The following RALGPS2 variants were observed in gnomAD, a reference collection of about 807,000 sequenced individuals.
The protein encoded by RALGPS2 is ras-specific guanine nucleotide-releasing factor RalGPS2.
In RALGPS2, 43 loss-of-function variants were observed where a neutral mutation model predicts 86.8. That is an observed-to-expected ratio of 0.50 (90% CI 0.39 to 0.64). The LOEUF (loss-of-function observed/expected upper bound fraction) is 0.64, where lower values mean the gene tolerates loss of function less well. Ranked by LOEUF, RALGPS2 falls within the 30% of genes least tolerant of loss-of-function variation. RALGPS2 has a pLI of 0.00. For synonymous variants in RALGPS2, 243 were observed against 231.3 expected, an observed-to-expected ratio of 1.05 and a Z score of -0.46; for missense variants, 536 against 694.6, an observed-to-expected ratio of 0.77 and a Z score of 2.57.
At chr1:178,853,886 A>C in intron 8 of RALGPS2, 2 of 907,098 alleles carry the variant, frequency 2.2e-6, no homozygotes, top group Middle Eastern at 2.4e-4. Flanking sequence ...CTTTGTTTAC[A>C]GTTACCATTG....
At chr1:178,873,012 A>G (rs905917980) in intron 8 of RALGPS2, among the ~76,000 whole-genome samples, 7 of 152,168 alleles carry the variant, frequency 4.6e-5, no homozygotes, top group Non-Finnish European at 1.0e-4. Flanking sequence ...CTTACAAGAA[A>G]CATGAGGAAA....
chr1:178,885,034 ATAAAG>A (rs1317999651), intron 11 of RALGPS2, 37 bp from the exon 12 acceptor site: 24 of 1,519,980 alleles, frequency 1.6e-5, no homozygotes, highest in Non-Finnish European at 2.0e-5. Context: ...GGACTGAAAA[ATAAAG>A]TAATCATTTG....
At chr1:178,885,284 C>A in intron 12 of RALGPS2, 73 bp downstream of exon 12, 1 of 1,430,522 alleles carries the variant, frequency 7.0e-7, no homozygotes, top group South Asian at 1.3e-5. Flanking sequence ...TTTATTAGTT[C>A]AGTAGAAAAT....
intron 4 of RALGPS2, among the ~76,000 whole-genome samples, chr1:178,807,645 GTT>G (rs1212047337): frequency 1.3e-5 from 2 of 152,150 alleles, no homozygotes; most frequent in African/African-American, 4.8e-5. Context: ...TTCTTCAAGT[GTT>G]TGGGGTAATT....
chr1:178,785,541 T>G lies in RALGPS2; in HGVS notation c.163-16T>G. 3 of 1,575,022 alleles carry G rather than the reference T, an allele frequency of 1.9e-6. No homozygotes were observed. The highest frequency in any genetic ancestry group is 2.6e-6 in the Non-Finnish European group (3 of 1,163,670). ...AATTCCAAAGAAGAAATTGTCATTTTTACTTTATATTTCAGGGTCAGATAA... is the reference window on the plus strand; with the variant it reads ...AATTCCAAAGAAGAAATTGTCATTTGTACTTTATATTTCAGGGTCAGATAA... On this transcript the variant is annotated splice_polypyrimidine_tract_variant and intron_variant, in intron 3 of 19. Transcript: ENST00000367635.
intron 4 of RALGPS2, among the ~76,000 whole-genome samples, chr1:178,800,730 C>T (rs190282292): frequency 1.6e-4 from 25 of 152,040 alleles, no homozygotes; most frequent in Admixed American, 5.2e-4. Flanking sequence ...TTCAACTGTT[C>T]GGAGGGTCAG....
chr1:178,871,310 A>G (rs972081062), intron 8 of RALGPS2, among the ~76,000 whole-genome samples: 1 of 152,132 alleles, frequency 6.6e-6, no homozygotes, highest in Non-Finnish European at 1.5e-5. Flanking sequence ...TCAGCGGGCA[A>G]TTATAAAACA....
intron 1 of RALGPS2, among the ~76,000 whole-genome samples, chr1:178,750,526 G>C (rs1189521428): frequency 6.6e-6 from 1 of 152,204 alleles, no homozygotes; most frequent in East Asian, 1.9e-4. Flanking sequence ...TTTTACTGAT[G>C]ATGGTATGTA....
At chr1:178,805,917 T>C (rs1041746011) in intron 4 of RALGPS2, among the ~76,000 whole-genome samples, 4 of 152,132 alleles carry the variant, frequency 2.6e-5, no homozygotes, top group Non-Finnish European at 4.4e-5. Context: ...TGAATGTCTC[T>C]TCTTAATATT....
chr1:178,817,345 TAAAAAAAAAAAAAA>T (rs142692953), intron 6 of RALGPS2, among the ~76,000 whole-genome samples: 5 of 98,050 alleles, frequency 5.1e-5, no homozygotes, highest in African/African-American at 7.7e-5. Context: ...TGTCTCAATT[TAAAAAAAAAAAAAA>T]AAAAAAAAAA....
intron 19 of RALGPS2, 33 bp from the exon 20 acceptor site, chr1:178,916,297 T>C: frequency 6.5e-7 from 1 of 1,545,978 alleles, no homozygotes; most frequent in Non-Finnish European, 8.9e-7. Flanking sequence ...AAAACAACTT[T>C]TAAACTCAGT....
intron 8 of RALGPS2, among the ~76,000 whole-genome samples, chr1:178,840,991 A>G (rs1374292234): frequency 1.3e-5 from 2 of 152,186 alleles, no homozygotes; most frequent in African/African-American, 4.8e-5. Flanking sequence ...CAGGCTCTGA[A>G]ATTGAGGCAA....
At chr1:178,823,302 A>C (rs1655596652) in intron 7 of RALGPS2, among the ~76,000 whole-genome samples, 1 of 152,238 alleles carries the variant, frequency 6.6e-6, no homozygotes, top group Non-Finnish European at 1.5e-5. Context: ...GTATTTTAAA[A>C]TATTTCATAC....
chr1:178,851,058 T>C (rs978644825), intron 8 of RALGPS2: 2 of 1,418,122 alleles, frequency 1.4e-6, no homozygotes, highest in Non-Finnish European at 1.9e-6. Flanking sequence ...GTAATATACA[T>C]GTAACATTTA....
chr1:178,747,420 C>T, intron 1 of RALGPS2: 1 of 1,566,400 alleles, frequency 6.4e-7, no homozygotes, highest in Non-Finnish European at 8.8e-7. Context: ...AAGAGCTTCA[C>T]ACTGAATCCT....
chr1:178,792,823 T>C (rs567667556), intron 4 of RALGPS2, among the ~76,000 whole-genome samples: 1 of 152,336 alleles, frequency 6.6e-6, no homozygotes, highest in South Asian at 2.1e-4. Context: ...GTTGTAACTG[T>C]AAACTGTAAT....
chr1:178,831,924 A>G (rs1213034423), intron 7 of RALGPS2, among the ~76,000 whole-genome samples: 1 of 152,178 alleles, frequency 6.6e-6, no homozygotes, highest in Non-Finnish European at 1.5e-5. Flanking sequence ...ATAGTTTGTT[A>G]TAACAGTTCT....
intron 1 of RALGPS2, among the ~76,000 whole-genome samples, chr1:178,732,515 G>A (rs185805649): frequency 6.6e-6 from 1 of 152,024 alleles, no homozygotes. Flanking sequence ...AGCCAGGATG[G>A]TCTCAGATCT....
intron 8 of RALGPS2, among the ~76,000 whole-genome samples, chr1:178,863,277 G>A (rs1214329950): frequency 2.0e-5 from 3 of 152,192 alleles, no homozygotes; most frequent in African/African-American, 7.2e-5. Flanking sequence ...GATGAGCCAA[G>A]CTTATTTGGA....
Sources: gnomAD v4.1 joint callset for allele counts (sites outside exome capture counted in the v4.1 genomes callset) on GRCh38, gnomAD v4.1.1 for gene constraint, MANE v1.5 for transcripts, NCBI Gene and HGNC (gene_info 2026-07-23, HGNC 2026-07-21) for gene names.